The following LHX8 variants were observed in gnomAD, a reference collection of about 807,000 sequenced individuals.
LHX8 encodes the protein LIM/homeobox protein Lhx8.
LHX8 carries 12 observed loss-of-function variants against 40.3 expected under a neutral mutation model. The observed-to-expected ratio is 0.30, with a 90% confidence interval of 0.19 to 0.48. The LOEUF (loss-of-function observed/expected upper bound fraction) is 0.48, where lower values mean the gene tolerates loss of function less well. Among genes scored for constraint, LHX8 ranks in the 20% least tolerant of loss-of-function variants. The pLI is 0.99. For synonymous variants in LHX8, 179 were observed against 162.0 expected, an observed-to-expected ratio of 1.10 and a Z score of -0.80; for missense variants, 344 against 433.7, an observed-to-expected ratio of 0.79 and a Z score of 1.84.
the LHX8 span, among the ~76,000 whole-genome samples, chr1:75,172,812 A>G: frequency 2.5e-3 from 373 of 152,212 alleles, 1 homozygote; most frequent in Middle Eastern, 0.014. Flanking sequence ...TGGAAACAAA[A>G]ATAATCGTGT....
rs1648524715 is a variant in LHX8 at position 75,148,587 on chromosome 1, G to T, written c.685G>T (p.Val229Phe). 2 of 1,611,552 alleles carry T rather than the reference G, an allele frequency of 1.2e-6. No individual in the cohort carries two copies. Among genetic ancestry groups the T allele is most frequent in the African/African-American group, 1.3e-5 (1 of 74,798 alleles). The change falls in exon 7 of 9, where the codon GTT becomes TTT. Residue 229 changes from valine to phenylalanine, a missense_variant and splice_region_variant. Physicochemically the swap from Val to Phe is conservative, Grantham distance 50 (BLOSUM62 -1). Transcript: ENST00000356261. ...RTSFTADQLQ[V>F]MQAQFAQDNN... is the part of the protein sequence containing the mutation. ...ACTACATACATGTTTTAAACAACAG[G>T]TTATGCAAGCACAATTTGCTCAGGA... is the stretch of plus-strand genomic sequence containing the variant.
chr1:75,147,981 C>A (rs997228421), intron 6 of LHX8, among the ~76,000 whole-genome samples: 1 of 152,190 alleles, frequency 6.6e-6, no homozygotes, highest in African/African-American at 2.4e-5. Flanking sequence ...AGGCTTACAT[C>A]AGAATCACCT....
intron 7 of LHX8, among the ~76,000 whole-genome samples, chr1:75,150,646 CAGAG>C (rs1400342481): frequency 7.3e-5 from 11 of 151,084 alleles, no homozygotes; most frequent in Admixed American, 7.3e-4. Flanking sequence ...TCAAGATTAT[CAGAG>C]AGACCAGGGA....
At chr1:75,189,968 G>A in the LHX8 span, among the ~76,000 whole-genome samples, 2 of 152,092 alleles carry the variant, frequency 1.3e-5, no homozygotes, top group East Asian at 1.9e-4. Context: ...CTTTGCAAAG[G>A]CCTCGTCAAA....
upstream of LHX8, chr1:75,131,215 G>T (rs910686808): frequency 2.9e-4 from 53 of 183,736 alleles, no homozygotes; most frequent in Admixed American, 2.8e-3. Flanking sequence ...CCTAGAAGGC[G>T]GGCGGGAGGA....
intron 7 of LHX8, among the ~76,000 whole-genome samples, chr1:75,152,894 T>G (rs1389374716): frequency 2.0e-5 from 3 of 152,192 alleles, no homozygotes; most frequent in East Asian, 1.9e-4. Flanking sequence ...TTGAACAAAT[T>G]AGTTTATTTT....
upstream of LHX8, among the ~76,000 whole-genome samples, chr1:75,133,982 C>A (rs944104922): frequency 6.6e-6 from 1 of 152,078 alleles, no homozygotes; most frequent in Admixed American, 6.6e-5. Context: ...TCGGCTACAC[C>A]GGACAGCTGC....
chr1:75,154,239 T>TAAGATATTTAACA (rs1294661471), intron 7 of LHX8, among the ~76,000 whole-genome samples: 1 of 152,116 alleles, frequency 6.6e-6, no homozygotes, highest in East Asian at 1.9e-4. Flanking sequence ...AAACTATATT[T>TAAGATATTTAACA]TGCTCTACCA....
chr1:75,180,684 ACTT>A, the LHX8 span, among the ~76,000 whole-genome samples: 1 of 152,114 alleles, frequency 6.6e-6, no homozygotes, highest in East Asian at 1.9e-4. Context: ...TCTGAAGTCT[ACTT>A]CTGTCAACTC....
At chr1:75,158,118 CTTATT>C (rs1225001327) in intron 8 of LHX8, among the ~76,000 whole-genome samples, 1 of 152,198 alleles carries the variant, frequency 6.6e-6, no homozygotes, top group African/African-American at 2.4e-5. Context: ...GCAGTGCAAT[CTTATT>C]TTAATTTGCC....
At chr1:75,197,764 A>G in the LHX8 span, among the ~76,000 whole-genome samples, 5 of 152,194 alleles carry the variant, frequency 3.3e-5, no homozygotes, top group Non-Finnish European at 7.3e-5. Flanking sequence ...TGCAGTTTTC[A>G]GGGGTTTCCT....
chr1:75,171,982 A>T, the LHX8 span, among the ~76,000 whole-genome samples: 1 of 152,140 alleles, frequency 6.6e-6, no homozygotes, highest in African/African-American at 2.4e-5. Context: ...ACTGGCCTGG[A>T]AACTTCAGGG....
chr1:75,156,170 A>T (rs7529793), intron 7 of LHX8, among the ~76,000 whole-genome samples: 143,729 of 152,108 alleles, frequency 0.94, 67,920 homozygotes, highest in East Asian at 0.98. Flanking sequence ...TTTTATTTTT[A>T]AAAAATCTAA....
chr1:75,152,676 T>G (rs1039472025), intron 7 of LHX8, among the ~76,000 whole-genome samples: 1 of 152,206 alleles, frequency 6.6e-6, no homozygotes, highest in African/African-American at 2.4e-5. Context: ...AGATAAAACA[T>G]GCATAGGGCC....
At chr1:75,191,998 T>G in the LHX8 span, among the ~76,000 whole-genome samples, 1 of 152,022 alleles carries the variant, frequency 6.6e-6, no homozygotes, top group African/African-American at 2.4e-5. Flanking sequence ...GAAAAAAAAA[T>G]GTTACATATT....
At chr1:75,151,588 C>T (rs12723906) in intron 7 of LHX8, among the ~76,000 whole-genome samples, 31,921 of 152,090 alleles carry the variant, frequency 0.21, 3,879 homozygotes, top group Middle Eastern at 0.33. Flanking sequence ...AATGAATTTT[C>T]TCATTATTGA....
the LHX8 span, among the ~76,000 whole-genome samples, chr1:75,182,647 A>G: frequency 6.6e-6 from 1 of 152,226 alleles, no homozygotes; most frequent in Non-Finnish European, 1.5e-5. Context: ...TGCTGGGATT[A>G]CAGGCATGAG....
chr1:75,193,701 C>G, the LHX8 span, among the ~76,000 whole-genome samples: 2 of 152,140 alleles, frequency 1.3e-5, no homozygotes, highest in Admixed American at 6.5e-5. Context: ...TTCCAGAATC[C>G]CTAGCCTACA....
the LHX8 span, among the ~76,000 whole-genome samples, chr1:75,183,448 G>A: frequency 1.3e-5 from 2 of 152,016 alleles, no homozygotes; most frequent in African/African-American, 4.8e-5. Flanking sequence ...AACCTTACAA[G>A]CCAGAAGAGA....
Sources: gnomAD v4.1 joint callset for allele counts (sites outside exome capture counted in the v4.1 genomes callset) on GRCh38, gnomAD v4.1.1 for gene constraint, MANE v1.5 for transcripts, NCBI Gene and HGNC (gene_info 2026-07-23, HGNC 2026-07-21) for gene names.